The following NTM variants were observed in gnomAD, a reference collection of about 807,000 sequenced individuals.
The protein encoded by NTM is IgLON family member 2.
In NTM, 13 loss-of-function variants were observed where a neutral mutation model predicts 42.1. That is an observed-to-expected ratio of 0.31 (90% CI 0.20 to 0.49). The LOEUF is 0.49. NTM is among the 20% of genes least tolerant of loss of function. The probability of loss-of-function intolerance (pLI) is 0.99; values close to 1 mark genes in which losing one functional copy is unlikely to be tolerated. For missense variants in NTM, 373 were observed against 452.8 expected (o/e 0.82, Z 1.60); for synonymous variants, 187 against 179.2 (o/e 1.04, Z -0.35).
At chr11:132,203,628 A>G (rs1275316116) in intron 3 of NTM, among the ~76,000 whole-genome samples, 12 of 152,228 alleles carry the variant, frequency 7.9e-5, no homozygotes, top group Admixed American at 7.9e-4. Flanking sequence ...GCGGTGGCAC[A>G]TGCCTGTAAT....
intron 1 of NTM, among the ~76,000 whole-genome samples, chr11:131,656,370 C>T (rs2067187761): frequency 6.6e-6 from 1 of 152,234 alleles, no homozygotes; most frequent in Non-Finnish European, 1.5e-5. Context: ...CATTTCCCCA[C>T]CTAAAAAGAC....
At chr11:131,990,912 G>C (rs942991270) in intron 2 of NTM, among the ~76,000 whole-genome samples, 1 of 152,064 alleles carries the variant, frequency 6.6e-6, no homozygotes, top group African/African-American at 2.4e-5. Flanking sequence ...TTTATAGTGA[G>C]CGGGCTCTGA....
chr11:131,958,336 G>T (rs2061775693), intron 2 of NTM, among the ~76,000 whole-genome samples: 1 of 152,086 alleles, frequency 6.6e-6, no homozygotes, highest in African/African-American at 2.4e-5. Context: ...CAGGGGTTGT[G>T]GGAGAACAGA....
intron 2 of NTM, among the ~76,000 whole-genome samples, chr11:132,137,398 C>T (rs2068150121): frequency 1.3e-5 from 2 of 152,196 alleles, no homozygotes; most frequent in African/African-American, 4.8e-5. Context: ...CCATCTATAA[C>T]CATCAGTGAT....
chr11:131,766,099 T>C (rs1270726528), intron 1 of NTM, among the ~76,000 whole-genome samples: 1 of 152,134 alleles, frequency 6.6e-6, no homozygotes, highest in African/African-American at 2.4e-5. Context: ...GGTCCCATAC[T>C]CTTGTCTTTT....
At chr11:131,685,103 A>G (rs1394472873) in intron 1 of NTM, among the ~76,000 whole-genome samples, 2 of 152,214 alleles carry the variant, frequency 1.3e-5, no homozygotes, top group Non-Finnish European at 2.9e-5. Context: ...AATAGCTTCC[A>G]TAGGTGTCAT....
intron 2 of NTM, among the ~76,000 whole-genome samples, chr11:132,103,071 C>T (rs759385805): frequency 1.4e-4 from 22 of 152,334 alleles, no homozygotes; most frequent in South Asian, 4.1e-4. Context: ...ATGCCAGGGC[C>T]GGCCTTCATT....
chr11:131,440,217 T>G (rs906585572), intron 1 of NTM, among the ~76,000 whole-genome samples: 4 of 152,110 alleles, frequency 2.6e-5, no homozygotes, highest in African/African-American at 9.7e-5. Flanking sequence ...TTCTTTTAAT[T>G]TCTAGGAGTT....
At chr11:132,069,641 A>AC (rs1464860558) in intron 2 of NTM, among the ~76,000 whole-genome samples, 1,815 of 149,774 alleles carry the variant, frequency 0.012, 8 homozygotes, top group Admixed American at 0.019. Context: ...GTTAGTTAAC[A>AC]GGTCACCCAG....
rs1414644429 is a variant in NTM, at chr11:131,626,336, A to T, written c.82+255448A>T. On this transcript the variant is annotated intron_variant, in intron 1 of 8. Transcript: ENST00000683400. ...TACTACAAACGTATATGATATACGT[A>T]ATTACTAATATACAAACGTATATTC... 3.3e-5 allele frequency among the ~76,000 whole-genome samples: 5 copies of T among 152,334 alleles called. No individual in the cohort carries two copies. In the East Asian group the frequency reaches 7.7e-4, roughly 24 times the overall value.
chr11:131,765,785 G>T (rs2085002272), intron 1 of NTM, among the ~76,000 whole-genome samples: 2 of 152,140 alleles, frequency 1.3e-5, no homozygotes, highest in Non-Finnish European at 2.9e-5. Context: ...AATCTAAAAA[G>T]AATTAATCTA....
chr11:131,644,800 AGTTTT>A (rs113773961), intron 1 of NTM, among the ~76,000 whole-genome samples: 4,473 of 151,640 alleles, frequency 0.029, 238 homozygotes, highest in African/African-American at 0.1. Flanking sequence ...AAGGGAATTT[AGTTTT>A]GTTTTGTTTT....
At chr11:131,782,079 A>C (rs2088253139) in intron 1 of NTM, among the ~76,000 whole-genome samples, 1 of 152,198 alleles carries the variant, frequency 6.6e-6, no homozygotes, top group Non-Finnish European at 1.5e-5. Flanking sequence ...CAGTGAAGAC[A>C]AAAGAAGGGT....
At chr11:132,011,388 T>G (rs1484350943) in intron 2 of NTM, among the ~76,000 whole-genome samples, 2 of 152,210 alleles carry the variant, frequency 1.3e-5, no homozygotes, top group Admixed American at 6.5e-5. Context: ...CATGCATCTC[T>G]GTTAAGAAAT....
Position 131,370,682 on chromosome 11 carries a change from C to G in NTM, c.-125C>G, listed in dbSNP as rs1170325199. 3.9e-6 allele frequency: 3 copies of G among 776,196 alleles called. No individual in the cohort carries two copies. In the Admixed American group the frequency reaches 7.9e-5, roughly 20 times the overall value. The allele number at this position is 776,196 out of a possible 1,614,324, so 48.1% of individuals were successfully genotyped here. ...ACACCCTCGGCTTTCTTGTTGTGTCCTTCAGCAAAACAGTGGATTTAAATC... is the reference window on the plus strand; with the variant it reads ...ACACCCTCGGCTTTCTTGTTGTGTCGTTCAGCAAAACAGTGGATTTAAATC... On this transcript the variant is annotated 5_prime_UTR_variant, in exon 1 of 9. Transcript: ENST00000683400.
chr11:131,789,602 A>AAGGAGAAGGAGAAGG lies in NTM; in HGVS notation c.83-121960_83-121959insGAGAAGGAGAAGGAG, dbSNP rs1565552570. On this transcript the variant is annotated intron_variant, in intron 1 of 8. Transcript: ENST00000683400. The stretch of plus-strand genomic sequence containing the variant: ...GAAGAAGAAGAAGAAGAAGAAGAAG[A>AAGGAGAAGGAGAAGG]AGAAGAAGAAGAAGAAGAAGAAGAA... 8.3e-5 allele frequency among the ~76,000 whole-genome samples: 6 copies of AAGGAGAAGGAGAAGG among 71,886 alleles called. 1 individual carries two copies. The highest frequency in any genetic ancestry group is 1.4e-4 in the Non-Finnish European group (5 of 36,356). 47.2% of individuals were successfully genotyped at this position (71,886 alleles called of 152,430 possible).
intron 2 of NTM, among the ~76,000 whole-genome samples, chr11:132,032,639 G>A (rs2076070076): frequency 6.6e-6 from 1 of 152,076 alleles, no homozygotes; most frequent in Non-Finnish European, 1.5e-5. Flanking sequence ...TCCAACATCT[G>A]TTCAGCTCTG....
chr11:132,325,342 AAAAAGTGGGC>A (rs1160846326), intron 7 of NTM, among the ~76,000 whole-genome samples: 6 of 152,186 alleles, frequency 3.9e-5, no homozygotes, highest in African/African-American at 1.4e-4. Flanking sequence ...CAACCCCATC[AAAAAGTGGGC>A]AAAGGACATG....
At chr11:131,611,706 C>A (rs2061480242) in intron 1 of NTM, among the ~76,000 whole-genome samples, 1 of 152,178 alleles carries the variant, frequency 6.6e-6, no homozygotes, top group African/African-American at 2.4e-5. Flanking sequence ...GAAGGAAGAC[C>A]TCGTGCTGGA....
Sources: gnomAD v4.1 joint callset for allele counts (sites outside exome capture counted in the v4.1 genomes callset) on GRCh38, gnomAD v4.1.1 for gene constraint, MANE v1.5 for transcripts, NCBI Gene and HGNC (gene_info 2026-07-23, HGNC 2026-07-21) for gene names.